Variants in FXYD6 observed in about 807,000 individuals in gnomAD.
The protein encoded by FXYD6 is FXYD domain containing ion transport regulator 6, also known as FXYD domain-containing ion transport regulator 6.
A neutral mutation model predicts 16.7 loss-of-function variants in FXYD6; 7 were observed. The ratio of observed to expected loss-of-function variants is 0.42; its 90% CI spans 0.24 to 0.79. The LOEUF is 0.79. Ranked by LOEUF, FXYD6 falls within the 30% of genes least tolerant of loss-of-function variation. FXYD6 has a pLI of 0.28. For synonymous variants in FXYD6, 49 were observed against 43.0 expected (o/e 1.14, Z -0.54); for missense variants, 111 against 116.2 (o/e 0.95, Z 0.21).
intron 4 of FXYD6, chr11:117,841,489 A>G: frequency 1.7e-6 from 1 of 589,226 alleles, no homozygotes; most frequent in South Asian, 2.0e-5. Context: ...ACACTAGGGC[A>G]GCACCTGTCT....
intron 1 of FXYD6, among the ~76,000 whole-genome samples, chr11:117,857,272 C>T (rs1434108870): frequency 1.3e-5 from 2 of 152,170 alleles, no homozygotes; most frequent in African/African-American, 4.8e-5. Context: ...AGGTCTTTCC[C>T]ATGATCCCCA....
intron 1 of FXYD6, among the ~76,000 whole-genome samples, chr11:117,859,098 C>G (rs909450755): frequency 2.0e-5 from 3 of 148,172 alleles, no homozygotes; most frequent in Non-Finnish European, 3.0e-5. Flanking sequence ...TTTTCAACCC[C>G]TTCTGGGAGG....
chr11:117,858,652 TTTCTTTCTTTCTTTC>T lies in FXYD6; in HGVS notation c.-5-15886_-5-15872del, dbSNP rs1565323295. ...TCTTTTTTCTTTCTTTCTTTCTTTC[TTTCTTTCTTTCTTTC>T]TTTCTTTCTTTCTTTCTTTCTTTCT... is the stretch of plus-strand genomic sequence containing the variant. On this transcript the variant is annotated intron_variant, in intron 1 of 7. Transcript: ENST00000526014. Among the ~76,000 whole-genome samples the T allele has an allele frequency of 5.0e-4, 35 of 69,988 alleles. 2 individuals carry two copies. In the South Asian group the frequency reaches 0.02, roughly 41 times the overall value. 45.9% of individuals were successfully genotyped at this position (69,988 alleles called of 152,430 possible).
chr11:117,852,233 G>T (rs2056626034), intron 1 of FXYD6, among the ~76,000 whole-genome samples: 1 of 152,234 alleles, frequency 6.6e-6, no homozygotes, highest in Admixed American at 6.5e-5. Flanking sequence ...CTAGACTGTA[G>T]TTCGGTATGA....
chr11:117,868,821 G>A (rs1482744620), intron 1 of FXYD6: 2 of 152,114 alleles, frequency 1.3e-5, no homozygotes, highest in Admixed American at 6.5e-5. Context: ...TAGTCTATTC[G>A]TAGAAAAATA....
chr11:117,856,344 G>A (rs1241880441), intron 1 of FXYD6, among the ~76,000 whole-genome samples: 1 of 152,130 alleles, frequency 6.6e-6, no homozygotes, highest in Non-Finnish European at 1.5e-5. Flanking sequence ...AAAATGCAGA[G>A]GCTCCAAATT....
intron 1 of FXYD6, among the ~76,000 whole-genome samples, chr11:117,845,183 A>C (rs1241133565): frequency 6.6e-6 from 1 of 152,236 alleles, no homozygotes; most frequent in African/African-American, 2.4e-5. Flanking sequence ...GAAACCATTC[A>C]TCTACTTTTT....
At chr11:117,848,160 C>A (rs964427323) in intron 1 of FXYD6, among the ~76,000 whole-genome samples, 1 of 152,188 alleles carries the variant, frequency 6.6e-6, no homozygotes, top group African/African-American at 2.4e-5. Context: ...ATAGCAAACA[C>A]ACACGCACAC....
At chr11:117,847,944 A>C (rs1040598735) in intron 1 of FXYD6, among the ~76,000 whole-genome samples, 2 of 152,198 alleles carry the variant, frequency 1.3e-5, no homozygotes, top group African/African-American at 4.8e-5. Flanking sequence ...TGCCACACTG[A>C]CTTCCACAAA....
intron 1 of FXYD6, among the ~76,000 whole-genome samples, chr11:117,855,444 G>A (rs2056703171): frequency 6.6e-6 from 1 of 152,116 alleles, no homozygotes; most frequent in Admixed American, 6.5e-5. Flanking sequence ...CAGAACTTTT[G>A]AAGGGCCACA....
intron 1 of FXYD6, among the ~76,000 whole-genome samples, chr11:117,844,552 T>C (rs1351135369): frequency 1.3e-5 from 2 of 152,190 alleles, no homozygotes; most frequent in African/African-American, 4.8e-5. Flanking sequence ...TAGAATGCAA[T>C]GGTGCGATCT....
At chr11:117,841,538 C>T in intron 4 of FXYD6, 2 of 597,474 alleles carry the variant, frequency 3.3e-6, no homozygotes, top group Non-Finnish European at 3.0e-6. Context: ...CCTATAGACA[C>T]AGCACTGGGA....
At chr11:117,847,911 C>T (rs141259801) in intron 1 of FXYD6, among the ~76,000 whole-genome samples, 3,802 of 152,262 alleles carry the variant, frequency 0.025, 61 homozygotes, top group Middle Eastern at 0.085. Flanking sequence ...AATGGTATTT[C>T]TAGTTCTAGA....
rs768478976 is a variant in FXYD6 at position 117,840,385 on chromosome 11, C to T, written c.210-17G>A. Reference sequence around the variant, plus strand: ...CCTGGGGCCCTGCAGGAGAAAGAGACACACAGCCCCATCAGAGATCTCCAG... The same window carrying T: ...CCTGGGGCCCTGCAGGAGAAAGAGATACACAGCCCCATCAGAGATCTCCAG... On this transcript the variant is annotated splice_polypyrimidine_tract_variant and intron_variant, in intron 5 of 7. Coordinates refer to ENST00000526014, the MANE Select transcript of FXYD6 (RefSeq NM_022003.4). The T allele has an allele frequency of 5.6e-6, 9 of 1,614,012 alleles. No homozygotes were observed. Among genetic ancestry groups the T allele is most frequent in the Non-Finnish European group, 7.6e-6 (9 of 1,180,026 alleles).
chr11:117,873,049 C>T (rs929826130), intron 1 of FXYD6, among the ~76,000 whole-genome samples: 7 of 152,146 alleles, frequency 4.6e-5, no homozygotes, highest in Admixed American at 1.3e-4. Flanking sequence ...AACCGCCGCC[C>T]GCCTCCAGTG....
intron 2 of FXYD6, 145 bp from the exon 3 acceptor site, chr11:117,842,173 G>T: frequency 1.6e-6 from 2 of 1,235,250 alleles, no homozygotes; most frequent in Non-Finnish European, 2.3e-6. Flanking sequence ...GAGGTGCACG[G>T]TAGGGCGGGC....
intron 5 of FXYD6, 70 bp from the exon 6 acceptor site, chr11:117,840,438 C>T (rs1435888345): frequency 5.6e-6 from 9 of 1,604,762 alleles, no homozygotes; most frequent in Non-Finnish European, 6.8e-6. Flanking sequence ...TCGTTCTGCT[C>T]CTCACTGGGG....
In FXYD6 at chr11:117,858,723, C is replaced by CT. The variant is rs2056823090; in HGVS notation, c.-5-15943_-5-15942insA. ...TCTTTCTCTCTCTCTCTCCTTCCTTCCCTTCCTTCCTTCCTTCCTTCCTTC... is the reference window on the plus strand; with the variant it reads ...TCTTTCTCTCTCTCTCTCCTTCCTTCTCCTTCCTTCCTTCCTTCCTTCCTTC... On this transcript the variant is annotated intron_variant, in intron 1 of 7. Coordinates refer to ENST00000526014, the MANE Select transcript of FXYD6 (RefSeq NM_022003.4). 1.0e-3 allele frequency among the ~76,000 whole-genome samples: 43 copies of CT among 41,240 alleles called. 2 individuals carry two copies. Among genetic ancestry groups the CT allele is most frequent in the African/African-American group, 3.4e-3 (38 of 11,152 alleles). 27.1% of individuals were successfully genotyped at this position (41,240 alleles called of 152,430 possible).
intron 1 of FXYD6, among the ~76,000 whole-genome samples, chr11:117,874,786 C>A (rs1031515676): frequency 1.3e-5 from 2 of 152,246 alleles, no homozygotes; most frequent in African/African-American, 4.8e-5. Flanking sequence ...TGGAGCCCAG[C>A]ACCTGGGAAT....
Sources: gnomAD v4.1 joint callset for allele counts (sites outside exome capture counted in the v4.1 genomes callset) on GRCh38, gnomAD v4.1.1 for gene constraint, MANE v1.5 for transcripts, NCBI Gene and HGNC (gene_info 2026-07-23, HGNC 2026-07-21) for gene names.